The following ZNF800 variants were observed in gnomAD, a reference collection of about 807,000 sequenced individuals.
ZNF800 encodes zinc finger protein 800.
ZNF800 carries 13 observed loss-of-function variants against 59.5 expected under a neutral mutation model. The ratio of observed to expected loss-of-function variants is 0.22; its 90% CI spans 0.14 to 0.35. The LOEUF (loss-of-function observed/expected upper bound fraction) is 0.35. ZNF800 is among the 10% of genes least tolerant of loss of function. The pLI is 1.00. For missense variants in ZNF800, 621 were observed against 783.7 expected, an observed-to-expected ratio of 0.79 and a Z score of 2.48; for synonymous variants, 266 against 265.7, an observed-to-expected ratio of 1.00 and a Z score of -0.01.
In ZNF800 at chr7:127,381,656, C is replaced by T. The variant is rs978275655; in HGVS notation, c.158-4327G>A. On this transcript the variant is annotated intron_variant, in intron 3 of 5. Coordinates refer to ENST00000265827, the MANE Select transcript of ZNF800 (RefSeq NM_176814.5). ...GAGAAACTCAGACCAATATAAATGG[C>T]TGTTGTCTTGGGAACGTAACACCAG... Among the ~76,000 whole-genome samples, 3 of 151,904 alleles carry T rather than the reference C, an allele frequency of 2.0e-5. No homozygotes were observed. The East Asian group carries it at 5.8e-4, about 29-fold the overall frequency.
intron 3 of ZNF800, among the ~76,000 whole-genome samples, chr7:127,385,017 T>C (rs1454298522): frequency 6.6e-6 from 1 of 152,188 alleles, no homozygotes; most frequent in African/African-American, 2.4e-5. Flanking sequence ...AAATGGATCT[T>C]TTGGAGAGTC....
At chr7:127,379,832 T>TCCCCCCCCCCCCCCC (rs1800903206) in intron 3 of ZNF800, among the ~76,000 whole-genome samples, 1 of 54,388 alleles carries the variant, frequency 1.8e-5, no homozygotes, top group Non-Finnish European at 3.4e-5. Flanking sequence ...CCCTTACCCT[T>TCCCCCCCCCCCCCCC]GCCACCCCCC....
At chr7:127,388,304 A>G (rs966272763) in intron 2 of ZNF800, among the ~76,000 whole-genome samples, 2 of 152,230 alleles carry the variant, frequency 1.3e-5, no homozygotes, top group Admixed American at 1.3e-4. Flanking sequence ...TTAGAGAAAG[A>G]GAATTAAACC....
exon 2 of ZNF800, chr7:127,347,168 T>C (rs1800081473): frequency 6.6e-6 from 1 of 152,320 alleles, no homozygotes. Flanking sequence ...GATGACATGG[T>C]CTAGAACTGT....
Position 127,373,473 on chromosome 7 carries a change from AT to A in ZNF800, c.1862del (p.Asn621IlefsTer49). The stretch of plus-strand genomic sequence containing the variant: ...TTTTGGCAAATGCCTTTCCACATTT[AT>A]TGCATCTGTGAAGAGAAAAGTTTTT... ...VTKNFSLHRC[N>X]KCGKAFAKKT... On this transcript the variant is annotated frameshift_variant, in exon 5 of 6. Transcript: ENST00000265827. LOFTEE classifies it high-confidence loss of function. 1 of 1,614,140 alleles carries A rather than the reference AT, an allele frequency of 6.2e-7. No individual in the cohort carries two copies.
intron 4 of ZNF800, 54 bp from the exon 5 acceptor site, chr7:127,375,088 T>G: frequency 1.4e-6 from 2 of 1,402,418 alleles, no homozygotes; most frequent in African/African-American, 1.4e-5. Flanking sequence ...GCTGTAGCCC[T>G]CTAATATTTT....
intron 5 of ZNF800, 83 bp from the exon 6 acceptor site, chr7:127,371,897 T>C (rs1205097617): frequency 3.1e-6 from 2 of 636,388 alleles, no homozygotes; most frequent in South Asian, 1.8e-5. Flanking sequence ...GTAAATTACT[T>C]CTAAAAGATG....
rs1800603800 is a variant in ZNF800 at position 127,370,374 on chromosome 7, G to C, written c.*1440C>G. On this transcript the variant is annotated 3_prime_UTR_variant, in exon 6 of 6. Transcript: ENST00000265827. Reference sequence around the variant, plus strand: ...ATTTAGCTGAAATAACTTCGATTCTGGTTTATTTCCATCACATATAGTACA... The same window carrying C: ...ATTTAGCTGAAATAACTTCGATTCTCGTTTATTTCCATCACATATAGTACA... 1 of 152,464 alleles carries C rather than the reference G, an allele frequency of 6.6e-6. No individual in the cohort carries two copies. Among genetic ancestry groups the C allele is most frequent in the Admixed American group, 6.6e-5 (1 of 15,262 alleles). The allele number at this position is 152,464 out of a possible 1,614,324, so 9.4% of individuals were successfully genotyped here.
intron 3 of ZNF800, among the ~76,000 whole-genome samples, chr7:127,378,599 G>A (rs564247405): frequency 6.6e-6 from 1 of 151,892 alleles, no homozygotes; most frequent in East Asian, 1.9e-4. Context: ...ATATAGTAGG[G>A]TCTATAAAAG....
At chr7:127,344,022 G>A (rs1800014934), downstream of ZNF800, among the ~76,000 whole-genome samples, 1 of 151,890 alleles carries the variant, frequency 6.6e-6, no homozygotes, top group Non-Finnish European at 1.5e-5. Context: ...TTAAAAGCTG[G>A]TAAAATTTAA....
intron 1 of ZNF800, chr7:127,359,802 T>C (rs1185567948): frequency 6.6e-6 from 1 of 151,942 alleles, no homozygotes; most frequent in African/African-American, 2.4e-5. Context: ...CTCTGCGTAC[T>C]GAAACTTTAA....
At position 127,370,828 on chromosome 7, in the gene ZNF800, A is replaced by G. The variant is rs1468827417; in HGVS notation, c.*986T>C. On this transcript the variant is annotated 3_prime_UTR_variant, in exon 6 of 6. Coordinates refer to ENST00000265827, the MANE Select transcript of ZNF800 (RefSeq NM_176814.5). ...AAGAATTCATCATTTTCTAAATTTTACAGTAGGAATCAAATATTATCTAAA... is the reference window on the plus strand; with the variant it reads ...AAGAATTCATCATTTTCTAAATTTTGCAGTAGGAATCAAATATTATCTAAA... 11 of 152,580 alleles carry G rather than the reference A, an allele frequency of 7.2e-5. No homozygotes were observed. The highest frequency in any genetic ancestry group is 7.2e-4 in the Admixed American group (11 of 15,276). The allele number at this position is 152,580 out of a possible 1,614,324, so 9.5% of individuals were successfully genotyped here.
Position 127,375,233 on chromosome 7 carries a change from T to C in ZNF800, c.302-199A>G, listed in dbSNP as rs191173484. On this transcript the variant is annotated intron_variant, in intron 4 of 5. Transcript: ENST00000265827. ...TAAAATTTCCTTTAAATTCTCATCATGATACACAAAAATGTTAAGGAACAT... is the reference window on the plus strand; with the variant it reads ...TAAAATTTCCTTTAAATTCTCATCACGATACACAAAAATGTTAAGGAACAT... Among the ~76,000 whole-genome samples, 102 of 152,270 alleles carry C rather than the reference T, an allele frequency of 6.7e-4. 1 individual carries two copies. Among genetic ancestry groups the C allele is most frequent in the African/African-American group, 1.6e-3 (68 of 41,572 alleles).
intron 3 of ZNF800, among the ~76,000 whole-genome samples, chr7:127,384,513 CG>C (rs1801080535): frequency 6.6e-6 from 1 of 151,862 alleles, no homozygotes; most frequent in Non-Finnish European, 1.5e-5. Flanking sequence ...GGATTACAGA[CG>C]TGAGCCACCG....
At chr7:127,386,209 A>G in intron 2 of ZNF800, 54 bp from the exon 3 acceptor site, 1 of 1,072,340 alleles carries the variant, frequency 9.3e-7, no homozygotes, top group Non-Finnish European at 1.4e-6. Context: ...GGTTATTTAA[A>G]TCATTTACTA....
chr7:127,392,402 C>G lies in ZNF800; in HGVS notation c.-401G>C, dbSNP rs140854379. ...GCTGCCGCCGCCACCACCGAAGGAG[C>G]CGGAACCGGAGCGGGCAGGACCTGA... On this transcript the variant is annotated 5_prime_UTR_variant, in exon 1 of 6. Coordinates refer to ENST00000265827, the MANE Select transcript of ZNF800 (RefSeq NM_176814.5). The G allele has an allele frequency of 6.7e-3, 2,547 of 378,742 alleles. 16 individuals are homozygous for G. The highest frequency in any genetic ancestry group is 0.015 in the Middle Eastern group (22 of 1,484). The allele number at this position is 378,742 out of a possible 1,614,324, so 23.5% of individuals were successfully genotyped here. A position where few individuals can be genotyped will look rare whatever the true frequency, so the allele number is the denominator to read the frequency against.
intron 1 of ZNF800, among the ~76,000 whole-genome samples, chr7:127,354,313 C>T (rs750095041): frequency 1.3e-5 from 2 of 152,126 alleles, no homozygotes; most frequent in East Asian, 1.9e-4. Flanking sequence ...TCATGTTGCA[C>T]GTGAGGTACT....
intron 2 of ZNF800, among the ~76,000 whole-genome samples, chr7:127,390,106 A>G (rs1166785194): frequency 6.6e-6 from 1 of 152,188 alleles, no homozygotes; most frequent in Non-Finnish European, 1.5e-5. Flanking sequence ...ATGAATGATC[A>G]ATAAATTTCT....
intron 1 of ZNF800, among the ~76,000 whole-genome samples, chr7:127,357,818 T>A (rs990309511): frequency 6.6e-6 from 1 of 151,816 alleles, no homozygotes; most frequent in Admixed American, 6.6e-5. Flanking sequence ...CATGTTATAT[T>A]ACATATTTTA....
Sources: allele counts gnomAD v4.1 joint callset (sites outside exome capture counted in the v4.1 genomes callset), GRCh38; gene constraint gnomAD v4.1.1; transcripts MANE v1.5; gene names NCBI Gene and HGNC (gene_info 2026-07-23, HGNC 2026-07-21).